NCOR1: variants seen among roughly 807,000 people sequenced by gnomAD.
NCOR1 encodes protein phosphatase 1, regulatory subunit 109.
A neutral mutation model predicts 288.1 loss-of-function variants in NCOR1; 63 were observed. The observed-to-expected ratio is 0.22, with a 90% confidence interval of 0.18 to 0.27. The LOEUF is 0.27. NCOR1 is among the 10% of genes least tolerant of loss of function. The pLI is 1.00. For missense variants in NCOR1, 2,397 were observed against 3,019.2 expected (o/e 0.79, Z 4.83); for synonymous variants, 1,007 against 1,065.9 (o/e 0.94, Z 1.08).
intron 18 of NCOR1, among the ~76,000 whole-genome samples, chr17:16,112,199 C>A (rs2070401663): frequency 6.6e-6 from 1 of 152,174 alleles, no homozygotes; most frequent in Non-Finnish European, 1.5e-5. Context: ...ATATCTGACT[C>A]ATTTTTTACT....
At chr17:16,167,599 C>T (rs949929127) in intron 4 of NCOR1, among the ~76,000 whole-genome samples, 5 of 152,098 alleles carry the variant, frequency 3.3e-5, no homozygotes, top group Non-Finnish European at 5.9e-5. Context: ...ATGGCTCACA[C>T]CTGTAATCCC....
intron 1 of NCOR1, among the ~76,000 whole-genome samples, chr17:16,196,089 G>A (rs1172654388): frequency 6.7e-6 from 1 of 149,062 alleles, no homozygotes; most frequent in African/African-American, 2.5e-5. Flanking sequence ...CTAATTGGGT[G>A]GTTTTAAAAA....
intron 3 of NCOR1, 76 bp from the exon 4 acceptor site, chr17:16,172,071 A>G: frequency 8.3e-7 from 1 of 1,204,320 alleles, no homozygotes; most frequent in South Asian, 1.6e-5. Flanking sequence ...CCCTGGTTAG[A>G]CTTTGAAATA....
Position 16,086,420 on chromosome 17 carries a change from T to C in NCOR1, c.3039A>G (p.Gln1013=). ...CGCCTTCAGGGAGATTAGTTATCAC[T>C]TGATGTGGAGCAGGCTGAAGGACTT... ...EWEVLQPAPH[Q]VITNLPEGVR... The change falls in exon 23 of 46, where the codon CAA becomes CAG. Residue 1013 remains glutamine (Q), a synonymous_variant. Transcript: ENST00000268712. 2 of 1,614,054 alleles carry C rather than the reference T, an allele frequency of 1.2e-6. No homozygotes were observed. Among genetic ancestry groups the C allele is most frequent in the Non-Finnish European group, 1.7e-6 (2 of 1,179,928 alleles).
chr17:16,159,011 T>A, intron 5 of NCOR1, 138 bp from the exon 6 acceptor site: 1 of 495,550 alleles, frequency 2.0e-6, no homozygotes, highest in Non-Finnish European at 3.6e-6. Context: ...GAAGGTCTCA[T>A]GGACCAAGAG....
chr17:16,125,269 A>G (rs776647861), intron 15 of NCOR1, among the ~76,000 whole-genome samples: 1 of 152,180 alleles, frequency 6.6e-6, no homozygotes, highest in Non-Finnish European at 1.5e-5. Flanking sequence ...AGGCCGAGGC[A>G]CAAGAATCAC....
At chr17:16,072,043 G>A in intron 29 of NCOR1, 102 bp downstream of exon 29, 1 of 906,822 alleles carries the variant, frequency 1.1e-6, no homozygotes. Context: ...ATTTCAAAAG[G>A]GAAAATAACT....
chr17:16,146,319 A>T, intron 10 of NCOR1, 57 bp downstream of exon 10: 1 of 1,500,370 alleles, frequency 6.7e-7, no homozygotes, highest in Non-Finnish European at 8.9e-7. Context: ...TTTAAAAAAA[A>T]GAAACAATAA....
intron 1 of NCOR1, chr17:16,198,497 G>C (rs1186999070): frequency 2.0e-5 from 3 of 152,162 alleles, no homozygotes; most frequent in Non-Finnish European, 2.9e-5. Context: ...AGGCTGAGGC[G>C]GGTGGATCAC....
At position 16,095,250 on chromosome 17, in the gene NCOR1, G is replaced by C. The variant is rs568083045; in HGVS notation, c.2820+3117C>G. Reference sequence around the variant, plus strand: ...TGGGATGTGAGGAGCACCTCGGCCCGGCCGCGACCCCGTCTGGGAGGTGAG... The same window carrying C: ...TGGGATGTGAGGAGCACCTCGGCCCCGCCGCGACCCCGTCTGGGAGGTGAG... On this transcript the variant is annotated intron_variant, in intron 21 of 45. Transcript: ENST00000268712. 6.6e-3 allele frequency among the ~76,000 whole-genome samples: 993 copies of C among 149,450 alleles called. 11 individuals are homozygous for C. The highest frequency in any genetic ancestry group is 0.023 in the African/African-American group (923 of 40,374).
intron 5 of NCOR1, among the ~76,000 whole-genome samples, chr17:16,163,974 G>C (rs2081438657): frequency 6.6e-6 from 1 of 152,202 alleles, no homozygotes; most frequent in Admixed American, 6.5e-5. Flanking sequence ...ACTAGTGGCT[G>C]CCAGGGGTTG....
chr17:16,118,204 T>C (rs2072123949), intron 17 of NCOR1, among the ~76,000 whole-genome samples, 177 bp from the exon 18 acceptor site: 1 of 152,224 alleles, frequency 6.6e-6, no homozygotes, highest in African/African-American at 2.4e-5. Flanking sequence ...ACAAAACTCA[T>C]TTACAGTTCT....
intron 14 of NCOR1, among the ~76,000 whole-genome samples, chr17:16,129,782 G>C (rs540163766): frequency 2.0e-5 from 3 of 152,322 alleles, no homozygotes; most frequent in Admixed American, 2.0e-4. Flanking sequence ...ACGGGGACAT[G>C]TCAACTCAGC....
rs767227910 is a variant in NCOR1, at chr17:16,048,939, C to T, written c.6442G>A (p.Glu2148Lys). The T allele has an allele frequency of 3.1e-6, 5 of 1,613,608 alleles. No homozygotes were observed. Among genetic ancestry groups the T allele is most frequent in the African/African-American group, 1.3e-5 (1 of 74,972 alleles). Residue 2148 changes from glutamate to lysine, a missense_variant, in exon 41 of 46, where the codon GAG (glutamate) becomes AAG (lysine). Transcript: ENST00000268712. ...GGAACCTGGGGTGGGGAGATGGGCT[C>T]GTAGGGCTCCGAAGAGACGTGACTC... ...ERSHVSSEPY[E>K]PISPPQVPVV...
chr17:16,061,814 G>A lies in NCOR1; in HGVS notation c.5468C>T (p.Ala1823Val), dbSNP rs2152615965. 1 of 1,614,194 alleles carries A rather than the reference G, an allele frequency of 6.2e-7. No individual in the cohort carries two copies. Among genetic ancestry groups the A allele is most frequent in the Non-Finnish European group, 8.5e-7 (1 of 1,180,036 alleles). Reference protein sequence around the residue: ...RYNTAADALAALVDAAASAPQ... With the variant: ...RYNTAADALAVLVDAAASAPQ... ...TGCAGAAGCTGCAGCATCCACAAGA[G>A]CAGCCAGGGCATCCGCAGCAGTGTT... Residue 1823 changes from alanine to valine, a missense_variant, in exon 37 of 46, where the codon GCT becomes GTT. By Grantham distance (64) the Ala-to-Val change is moderately conservative (BLOSUM62 0). Around this residue, in one of 11 missense-constraint regions of NCOR1, gnomAD observed 1,872 missense variants for 2,187.8 expected, o/e 0.86. Transcript: ENST00000268712.
At chr17:16,166,270 A>G (rs937116676) in intron 4 of NCOR1, among the ~76,000 whole-genome samples, 7 of 152,228 alleles carry the variant, frequency 4.6e-5, no homozygotes, top group Admixed American at 1.3e-4. Context: ...TATCCTTTGC[A>G]TCTGGCATAC....
intron 18 of NCOR1, among the ~76,000 whole-genome samples, chr17:16,114,761 C>T (rs540817813): frequency 1.3e-5 from 2 of 152,338 alleles, no homozygotes; most frequent in South Asian, 4.1e-4. Flanking sequence ...TTGGGCAGCT[C>T]CAATCCTGTG....
chr17:16,083,959 T>A (rs1438050842), intron 23 of NCOR1: 1 of 151,994 alleles, frequency 6.6e-6, no homozygotes, highest in Non-Finnish European at 1.5e-5. Flanking sequence ...AGAGAAGAGA[T>A]CCCAGCAGAA....
chr17:16,164,224 G>C (rs1349813325), intron 5 of NCOR1, among the ~76,000 whole-genome samples: 1 of 146,500 alleles, frequency 6.8e-6, no homozygotes, highest in African/African-American at 2.5e-5. Context: ...CTCGGTGACA[G>C]AGTGAGACTC....
Sources: allele counts gnomAD v4.1 joint callset (sites outside exome capture counted in the v4.1 genomes callset), GRCh38; gene constraint gnomAD v4.1.1; regional missense constraint gnomAD v4.1.1; transcripts MANE v1.5; gene names NCBI Gene and HGNC (gene_info 2026-07-23, HGNC 2026-07-21).